The following TFAP2D variants were observed in gnomAD, a reference collection of about 807,000 sequenced individuals.
TFAP2D encodes the protein transcription factor AP-2-delta.
Under a neutral mutation model 43.6 loss-of-function variants are expected in TFAP2D, and 9 were observed. The ratio of observed to expected loss-of-function variants is 0.21; its 90% CI spans 0.12 to 0.36. The LOEUF (loss-of-function observed/expected upper bound fraction) is 0.36. Ranked by LOEUF, TFAP2D falls within the 10% of genes least tolerant of loss-of-function variation. The probability of loss-of-function intolerance (pLI) is 1.00; values close to 1 mark genes in which losing one functional copy is unlikely to be tolerated. For missense variants in TFAP2D, 513 were observed against 561.4 expected, an observed-to-expected ratio of 0.91 and a Z score of 0.87; for synonymous variants, 256 against 224.9, an observed-to-expected ratio of 1.14 and a Z score of -1.24.
intron 2 of TFAP2D, among the ~76,000 whole-genome samples, chr6:50,715,949 G>A (rs1362123901): frequency 6.6e-6 from 1 of 152,076 alleles, no homozygotes; most frequent in Non-Finnish European, 1.5e-5. Context: ...GTGACCCTGA[G>A]GGGATGAGGT....
At chr6:50,731,636 G>A (rs138910088) in intron 5 of TFAP2D, among the ~76,000 whole-genome samples, 2,032 of 152,144 alleles carry the variant, frequency 0.013, 45 homozygotes, top group African/African-American at 0.047. Flanking sequence ...TTATATTGGG[G>A]TATGAGGAGA....
chr6:50,766,363 A>G (rs753964906), intron 7 of TFAP2D, among the ~76,000 whole-genome samples: 2 of 152,100 alleles, frequency 1.3e-5, no homozygotes, highest in African/African-American at 2.4e-5. Context: ...ATGGTTCCCA[A>G]TGAATTTTAG....
At chr6:50,734,156 C>CA (rs1768931743) in intron 5 of TFAP2D, among the ~76,000 whole-genome samples, 1 of 151,910 alleles carries the variant, frequency 6.6e-6, no homozygotes, top group Admixed American at 6.6e-5. Flanking sequence ...TCTTTCATTT[C>CA]AAAATATATA....
rs1400587787 is a variant in TFAP2D, at chr6:50,715,492, C to T, written c.416C>T (p.Ala139Val). The T allele has an allele frequency of 6.2e-7, 1 of 1,613,686 alleles. No individual in the cohort carries two copies. The highest frequency in any genetic ancestry group is 1.1e-5 in the South Asian group (1 of 91,086). Reference protein sequence around the residue: ...EQRRELGCLDAYRRHDLSLMS... With the variant: ...EQRRELGCLDVYRRHDLSLMS... ...AGGCGGGAGCTGGGCTGCCTCGATG[C>T]CTACCGCCGCCATGACCTGTCCCTC... Residue 139 changes from alanine to valine, a missense_variant, in exon 2 of 8, where the codon GCC becomes GTC. Physicochemically the swap from Ala to Val is moderately conservative, Grantham distance 64 (BLOSUM62 0). Coordinates refer to ENST00000008391, the MANE Select transcript of TFAP2D (RefSeq NM_172238.4).
intron 7 of TFAP2D, among the ~76,000 whole-genome samples, chr6:50,758,456 T>C (rs1769320385): frequency 6.6e-6 from 1 of 151,974 alleles, no homozygotes; most frequent in African/African-American, 2.4e-5. Flanking sequence ...ACTTTCATCC[T>C]GGTTCCCTCC....
intron 5 of TFAP2D, among the ~76,000 whole-genome samples, chr6:50,737,266 A>T (rs1175248691): frequency 6.6e-6 from 1 of 152,104 alleles, no homozygotes; most frequent in East Asian, 1.9e-4. Flanking sequence ...TGTGGCCCCC[A>T]TTGCTTACAT....
rs982229815 is a variant in TFAP2D, at chr6:50,767,126, A to G, written c.1140-5519A>G. Among the ~76,000 whole-genome samples the G allele has an allele frequency of 1.5e-4, 23 of 152,210 alleles. 1 individual carries two copies. Among genetic ancestry groups the G allele is most frequent in the Non-Finnish European group, 2.9e-5 (2 of 68,040 alleles). On this transcript the variant is annotated intron_variant, in intron 7 of 7. Coordinates refer to ENST00000008391, the MANE Select transcript of TFAP2D (RefSeq NM_172238.4). ...CTAAAATCATATCATCTGCAAACAG[A>G]AACAATTGAACTTTTTCCTTTCTGA...
chr6:50,757,752 ATTCTATATATATAGAATATATATAAT>A (rs1285064976), intron 7 of TFAP2D, among the ~76,000 whole-genome samples: 8 of 70,652 alleles, frequency 1.1e-4, no homozygotes, highest in East Asian at 4.7e-4. Context: ...ATATATAATT[ATTCTATATATATAGAATATATATAAT>A]TATTCTATAT....
At chr6:50,735,953 T>C (rs1016144108) in intron 5 of TFAP2D, among the ~76,000 whole-genome samples, 16 of 152,150 alleles carry the variant, frequency 1.1e-4, no homozygotes, top group Admixed American at 5.9e-4. Context: ...GAATGCTCAT[T>C]GTAAGTCATT....
At chr6:50,752,839 T>C (rs1769216815) in intron 7 of TFAP2D, among the ~76,000 whole-genome samples, 1 of 151,900 alleles carries the variant, frequency 6.6e-6, no homozygotes, top group African/African-American at 2.4e-5. Context: ...CAAATCCTTG[T>C]ATCTGTGAGC....
At position 50,772,931 on chromosome 6, in the gene TFAP2D, T is replaced by G; in HGVS notation, c.*67T>G. 2 of 1,419,330 alleles carry G rather than the reference T, an allele frequency of 1.4e-6. No homozygotes were observed. The highest frequency in any genetic ancestry group is 1.9e-6 in the Non-Finnish European group (2 of 1,037,816). 87.9% of individuals were successfully genotyped at this position (1,419,330 alleles called of 1,614,324 possible). On this transcript the variant is annotated 3_prime_UTR_variant, in exon 8 of 8. Transcript: ENST00000008391. Reference sequence around the variant, plus strand: ...ATATTTTTTCTAATATATATATCATTGAGGGTGACTAATCTTCAGTGGACC... The same window carrying G: ...ATATTTTTTCTAATATATATATCATGGAGGGTGACTAATCTTCAGTGGACC...
At chr6:50,767,720 A>G (rs999554496) in intron 7 of TFAP2D, among the ~76,000 whole-genome samples, 1 of 152,222 alleles carries the variant, frequency 6.6e-6, no homozygotes, top group Non-Finnish European at 1.5e-5. Context: ...ACACACAGAA[A>G]TAGGAATAAC....
At chr6:50,734,216 G>A (rs1427625127) in intron 5 of TFAP2D, among the ~76,000 whole-genome samples, 2 of 151,712 alleles carry the variant, frequency 1.3e-5, no homozygotes, top group African/African-American at 2.4e-5. Context: ...TAGTTGTTTT[G>A]TGCCACTTGC....
intron 5 of TFAP2D, among the ~76,000 whole-genome samples, chr6:50,731,858 C>A (rs1208104070): frequency 6.6e-6 from 1 of 152,004 alleles, no homozygotes; most frequent in African/African-American, 2.4e-5. Context: ...TGGAACTCTG[C>A]AGATGGTATT....
intron 3 of TFAP2D, among the ~76,000 whole-genome samples, chr6:50,724,897 G>T (rs1415150250): frequency 6.6e-6 from 1 of 152,004 alleles, no homozygotes; most frequent in Non-Finnish European, 1.5e-5. Context: ...CCGAGCGTGC[G>T]TGCATCCATT....
chr6:50,770,336 G>A (rs1769508703), intron 7 of TFAP2D, among the ~76,000 whole-genome samples: 1 of 152,202 alleles, frequency 6.6e-6, no homozygotes, highest in Non-Finnish European at 1.5e-5. Context: ...CAGTGATGAT[G>A]TCTTACACCA....
At position 50,725,203 on chromosome 6, in the gene TFAP2D, G is replaced by C. The variant is rs192290285; in HGVS notation, c.599-3653G>C. ...TGGAGGATCTGCATCCATGTATTTT[G>C]TGCTAGTTTTGTCACACCTGAGCCA... is the stretch of plus-strand genomic sequence containing the variant. On this transcript the variant is annotated intron_variant, in intron 3 of 7. Transcript: ENST00000008391. 2.9e-4 allele frequency among the ~76,000 whole-genome samples: 44 copies of C among 152,262 alleles called. 1 individual carries two copies. Among genetic ancestry groups the C allele is most frequent in the Admixed American group, 2.8e-3 (43 of 15,296 alleles).
rs566419435 is a variant in TFAP2D at position 50,747,664 on chromosome 6, A to G, written c.1025+2416A>G. ...TTCCCATCATTCTGTTGAAGTGTGC[A>G]GCAGTCTCCAAGCACATTCAAATTG... On this transcript the variant is annotated intron_variant, in intron 6 of 7. Coordinates refer to ENST00000008391, the MANE Select transcript of TFAP2D (RefSeq NM_172238.4). Among the ~76,000 whole-genome samples, 6 of 152,224 alleles carry G rather than the reference A, an allele frequency of 3.9e-5. No homozygotes were observed. In the East Asian group the frequency reaches 1.2e-3, roughly 29 times the overall value.
At chr6:50,744,889 C>T (rs1280618577) in intron 5 of TFAP2D, among the ~76,000 whole-genome samples, 1 of 152,042 alleles carries the variant, frequency 6.6e-6, no homozygotes, top group Non-Finnish European at 1.5e-5. Flanking sequence ...TCCACCTATC[C>T]CTGCCTGCTA....
Sources: allele counts gnomAD v4.1 joint callset (sites outside exome capture counted in the v4.1 genomes callset), GRCh38; gene constraint gnomAD v4.1.1; transcripts MANE v1.5; gene names NCBI Gene and HGNC (gene_info 2026-07-23, HGNC 2026-07-21).